SGK3: variants seen among roughly 807,000 people sequenced by gnomAD.
SGK3 encodes the protein serum/glucocorticoid regulated kinase family member 3.
In SGK3, 47 loss-of-function variants were observed where a neutral mutation model predicts 68.5. The ratio of observed to expected loss-of-function variants is 0.69; its 90% CI spans 0.54 to 0.87. The LOEUF (loss-of-function observed/expected upper bound fraction) is 0.87. Ranked by LOEUF, SGK3 falls within the 40% of genes least tolerant of loss-of-function variation. The pLI is 0.00. For missense variants in SGK3, 479 were observed against 575.5 expected (o/e 0.83, Z 1.72); for synonymous variants, 181 against 189.1 (o/e 0.96, Z 0.35).
At chr8:66,815,690 A>AT in intron 5 of SGK3, among the ~76,000 whole-genome samples, 1 of 152,206 alleles carries the variant, frequency 6.6e-6, no homozygotes, top group East Asian at 1.9e-4. Context: ...TATGCAATAA[A>AT]TGGTAGTGGT....
chr8:66,785,265 C>CAT (rs1807152879), intron 1 of SGK3, among the ~76,000 whole-genome samples: 1 of 152,200 alleles, frequency 6.6e-6, no homozygotes, highest in African/African-American at 2.4e-5. Context: ...GAGCTGGGCT[C>CAT]ACATGAGAGT....
intron 6 of SGK3, among the ~76,000 whole-genome samples, chr8:66,823,077 C>G (rs1808910994): frequency 6.6e-6 from 1 of 152,174 alleles, no homozygotes; most frequent in Admixed American, 6.5e-5. Flanking sequence ...TGGTGATTTT[C>G]TTTCCAATCT....
chr8:66,849,651 A>T (rs1457278021), intron 15 of SGK3, among the ~76,000 whole-genome samples: 4 of 142,660 alleles, frequency 2.8e-5, no homozygotes, highest in Non-Finnish European at 6.0e-5. Context: ...GCTGGAGTGC[A>T]GTGGTGTGAT....
At chr8:66,847,769 GACT>G (rs1472162941) in intron 15 of SGK3, among the ~76,000 whole-genome samples, 1 of 151,890 alleles carries the variant, frequency 6.6e-6, no homozygotes, top group Non-Finnish European at 1.5e-5. Context: ...GAGGGTTTGG[GACT>G]ATCTAAAGTC....
intron 5 of SGK3, among the ~76,000 whole-genome samples, chr8:66,817,497 T>G (rs1808641892): frequency 6.6e-6 from 1 of 151,208 alleles, no homozygotes; most frequent in South Asian, 2.1e-4. Context: ...GGACCACAGG[T>G]GTGTGCCACC....
At chr8:66,854,103 C>G (rs570208138) in intron 16 of SGK3, among the ~76,000 whole-genome samples, 1 of 152,234 alleles carries the variant, frequency 6.6e-6, no homozygotes, top group East Asian at 1.9e-4. Context: ...CACTTTAATC[C>G]TCAGAAAAAC....
intron 1 of SGK3, among the ~76,000 whole-genome samples, chr8:66,751,742 T>TTA (rs1563609462): frequency 4.1e-5 from 6 of 147,786 alleles, no homozygotes; most frequent in Non-Finnish European, 5.9e-5. Flanking sequence ...AAATCATTCA[T>TTA]TTTATTTATT....
At chr8:66,761,172 C>T (rs1176613615) in intron 1 of SGK3, among the ~76,000 whole-genome samples, 1 of 152,170 alleles carries the variant, frequency 6.6e-6, no homozygotes, top group Non-Finnish European at 1.5e-5. Flanking sequence ...GTAGTACCAT[C>T]ATAGCTCACT....
intron 1 of SGK3, among the ~76,000 whole-genome samples, chr8:66,723,131 A>ATATATATTT (rs1554591219): frequency 6.8e-5 from 2 of 29,494 alleles, no homozygotes; most frequent in Non-Finnish European, 1.2e-4. Flanking sequence ...ATATATATAT[A>ATATATATTT]TTTTTTTTTT....
intron 16 of SGK3, among the ~76,000 whole-genome samples, chr8:66,856,935 A>G (rs1398119329): frequency 1.3e-5 from 2 of 152,182 alleles, no homozygotes; most frequent in Non-Finnish European, 2.9e-5. Context: ...TCTACTAGAA[A>G]TACAAAAATT....
Position 66,783,080 on chromosome 8 carries a change from G to A in SGK3, c.-121-10536G>A, listed in dbSNP as rs1259203685. Among the ~76,000 whole-genome samples the A allele has an allele frequency of 2.0e-5, 3 of 152,308 alleles. No homozygotes were observed. In the East Asian group the frequency reaches 5.8e-4, roughly 29 times the overall value. On this transcript the variant is annotated intron_variant, in intron 1 of 16. Coordinates refer to ENST00000521198, the MANE Select transcript of SGK3 (RefSeq NM_001033578.3). ...ACTGCCAGAGTGGCTGTACCATTTT[G>A]CATTCCTACCAACAGAGAATGAGAG...
At chr8:66,818,048 G>T (rs1165303295) in intron 5 of SGK3, among the ~76,000 whole-genome samples, 1 of 152,164 alleles carries the variant, frequency 6.6e-6, no homozygotes, top group Non-Finnish European at 1.5e-5. Context: ...GAGCCCAGGA[G>T]ATCCAGGCTA....
At chr8:66,767,496 G>C (rs1806354790) in intron 1 of SGK3, 3 of 1,506,606 alleles carry the variant, frequency 2.0e-6, no homozygotes, top group African/African-American at 1.4e-5. Flanking sequence ...ATGGTGGAGA[G>C]GGCATCTTCA....
chr8:66,740,885 C>T (rs893770077), intron 1 of SGK3, among the ~76,000 whole-genome samples: 7 of 115,344 alleles, frequency 6.1e-5, no homozygotes, highest in Admixed American at 3.6e-4. Flanking sequence ...CCAGCCTGGG[C>T]GGCAGGGTGA....
At chr8:66,786,069 C>T (rs557092044) in intron 1 of SGK3, among the ~76,000 whole-genome samples, 2 of 152,160 alleles carry the variant, frequency 1.3e-5, no homozygotes, top group Non-Finnish European at 2.9e-5. Context: ...CCCCTTCTTA[C>T]TCTGTTTTAT....
intron 1 of SGK3, chr8:66,767,707 G>C (rs1331178992): frequency 1.4e-6 from 2 of 1,468,384 alleles, no homozygotes; most frequent in East Asian, 4.5e-5. Context: ...AGAGTTTTTT[G>C]CTTTAACAGT....
At chr8:66,848,942 T>C (rs971127848) in intron 15 of SGK3, among the ~76,000 whole-genome samples, 1 of 152,220 alleles carries the variant, frequency 6.6e-6, no homozygotes, top group Non-Finnish European at 1.5e-5. Context: ...CAGCAGCATT[T>C]AAACTTGCAA....
chr8:66,733,854 G>C (rs951665818), intron 1 of SGK3, among the ~76,000 whole-genome samples: 2 of 152,136 alleles, frequency 1.3e-5, no homozygotes, highest in Non-Finnish European at 1.5e-5. Context: ...TCCAAGCACT[G>C]ATTTATTTGA....
At chr8:66,808,097 A>G (rs1476601440) in intron 4 of SGK3, among the ~76,000 whole-genome samples, 1 of 152,180 alleles carries the variant, frequency 6.6e-6, no homozygotes, top group Non-Finnish European at 1.5e-5. Flanking sequence ...TAATAAAACT[A>G]GTGACTTTAA....
Sources: gnomAD v4.1 joint callset for allele counts (sites outside exome capture counted in the v4.1 genomes callset) on GRCh38, gnomAD v4.1.1 for gene constraint, MANE v1.5 for transcripts, NCBI Gene and HGNC (gene_info 2026-07-23, HGNC 2026-07-21) for gene names.